The following AGO3 variants were observed in gnomAD, a reference collection of about 807,000 sequenced individuals.
AGO3 encodes the protein argonaute RISC catalytic component 3.
In AGO3, 16 loss-of-function variants were observed where a neutral mutation model predicts 105.5. That is an observed-to-expected ratio of 0.15 (90% CI 0.10 to 0.23). The LOEUF (loss-of-function observed/expected upper bound fraction) is 0.23. Ranked by LOEUF, AGO3 falls within the 10% of genes least tolerant of loss-of-function variation. The pLI is 1.00. For synonymous variants in AGO3, 340 were observed against 367.3 expected (o/e 0.93, Z 0.85); for missense variants, 534 against 1,088.0 (o/e 0.49, Z 7.16).
At chr1:35,976,662 C>T (rs905096054) in intron 5 of AGO3, among the ~76,000 whole-genome samples, 2 of 152,108 alleles carry the variant, frequency 1.3e-5, no homozygotes, top group African/African-American at 4.8e-5. Context: ...TAAATTTTGT[C>T]AGATGCCTTT....
Position 36,055,237 on chromosome 1 carries a change from T to C in AGO3, c.2474+92T>C. ...TTCCACAAGCTATTAGCGGAGTCAG[T>C]GATCCATGTGAAAAATGATGACAGA... On this transcript the variant is annotated intron_variant, in intron 18 of 18. Coordinates refer to ENST00000373191, the MANE Select transcript of AGO3 (RefSeq NM_024852.4). This position sits in a 1 kb window ranked among gnomAD's most constrained non-coding sequence, Gnocchi z 4.4. 2 of 1,349,632 alleles carry C rather than the reference T, an allele frequency of 1.5e-6. No individual in the cohort carries two copies. Among genetic ancestry groups the C allele is most frequent in the South Asian group, 1.3e-5 (1 of 75,738 alleles). The allele number at this position is 1,349,632 out of a possible 1,614,324, so 83.6% of individuals were successfully genotyped here.
chr1:36,010,923 G>A (rs1451262338), intron 9 of AGO3, among the ~76,000 whole-genome samples: 9 of 141,174 alleles, frequency 6.4e-5, no homozygotes, highest in African/African-American at 2.0e-4. Context: ...AAAAAAGAGA[G>A]AGAGAGAGGG....
intron 3 of AGO3, among the ~76,000 whole-genome samples, chr1:35,968,994 A>G (rs544914093): frequency 6.6e-6 from 1 of 152,180 alleles, no homozygotes; most frequent in South Asian, 2.1e-4. Context: ...TCCCCCAACA[A>G]TTAGTGATGT....
intron 2 of AGO3, among the ~76,000 whole-genome samples, chr1:35,964,583 A>G (rs1360071406): frequency 3.3e-5 from 5 of 152,196 alleles, no homozygotes; most frequent in Non-Finnish European, 7.4e-5. Context: ...GCTGCAGTGA[A>G]CATACACATG....
chr1:35,950,550 G>A lies in AGO3; in HGVS notation c.191+4687G>A, dbSNP rs192574538. Among the ~76,000 whole-genome samples the A allele has an allele frequency of 8.5e-5, 13 of 152,128 alleles. No individual in the cohort carries two copies. The East Asian group carries it at 2.1e-3, about 25-fold the overall frequency. On this transcript the variant is annotated intron_variant, in intron 2 of 18. Coordinates refer to ENST00000373191, the MANE Select transcript of AGO3 (RefSeq NM_024852.4). ...CTTTCCTCACCCCGTTTTGTGTTGGGGGGCCAAGTTGGGGAAGGAGATTCT... is the reference window on the plus strand; with the variant it reads ...CTTTCCTCACCCCGTTTTGTGTTGGAGGGCCAAGTTGGGGAAGGAGATTCT...
At position 36,055,803 on chromosome 1, in the gene AGO3, A is replaced by G; in HGVS notation, c.*58A>G. 2 of 1,570,500 alleles carry G rather than the reference A, an allele frequency of 1.3e-6. No homozygotes were observed. Among genetic ancestry groups the G allele is most frequent in the Non-Finnish European group, 1.7e-6 (2 of 1,143,366 alleles). On this transcript the variant is annotated 3_prime_UTR_variant, in exon 19 of 19. Transcript: ENST00000373191. The surrounding 1 kb of genome is among the most constrained non-coding windows in gnomAD (Gnocchi z 4.4). ...TGAAAGATGAATTGACATACAACGT[A>G]TGTTTCCAGTGAAGTCAATTGAGTA...
chr1:36,040,524 C>A, intron 16 of AGO3, 83 bp downstream of exon 16: 1 of 1,462,448 alleles, frequency 6.8e-7, no homozygotes. Flanking sequence ...GGCCCTCTGC[C>A]AACAGCAGGA....
rs1440682647 is a variant in AGO3, at chr1:36,059,264, A to G, written c.*3519A>G. 1.3e-5 allele frequency: 2 copies of G among 152,130 alleles called. No homozygotes were observed. The highest frequency in any genetic ancestry group is 2.9e-5 in the Non-Finnish European group (2 of 67,998). 9.4% of individuals were successfully genotyped at this position (152,130 alleles called of 1,614,324 possible). On this transcript the variant is annotated 3_prime_UTR_variant, in exon 19 of 19. Transcript: ENST00000373191. ...TATTTTGCTAACAAATTGGTATATTAATTACCATTGGTTCTTAATTACAAG... is the reference window on the plus strand; with the variant it reads ...TATTTTGCTAACAAATTGGTATATTGATTACCATTGGTTCTTAATTACAAG...
intron 5 of AGO3, among the ~76,000 whole-genome samples, chr1:35,985,169 G>C (rs984325242): frequency 1.3e-5 from 2 of 152,232 alleles, no homozygotes; most frequent in Admixed American, 1.3e-4. Context: ...TGTAGTCCCA[G>C]CTACTCAAGA....
At chr1:36,013,408 A>G (rs1279549003) in intron 9 of AGO3, 1 of 498,358 alleles carries the variant, frequency 2.0e-6, no homozygotes, top group Non-Finnish European at 3.5e-6. Flanking sequence ...CATACATACA[A>G]ATTTTGTATA....
intron 11 of AGO3, among the ~76,000 whole-genome samples, chr1:36,022,232 CTTTTTTTCTTTTT>C (rs1287189998): frequency 6.6e-6 from 1 of 151,834 alleles, no homozygotes; most frequent in Admixed American, 6.6e-5. Flanking sequence ...GCTCTGCTAA[CTTTTTTTCTTTTT>C]TTGTAGAGAC....
At chr1:36,040,209 G>A in intron 15 of AGO3, 98 bp from the exon 16 acceptor site, 5 of 1,375,490 alleles carry the variant, frequency 3.6e-6, no homozygotes, top group Non-Finnish European at 4.9e-6. Context: ...ATAGAGTGGT[G>A]AAATTAAGGA....
intron 5 of AGO3, among the ~76,000 whole-genome samples, chr1:35,998,374 A>C (rs1480871619): frequency 6.6e-6 from 1 of 152,184 alleles, no homozygotes; most frequent in Non-Finnish European, 1.5e-5. Context: ...GAGCATTCTT[A>C]TTCATGTCTC....
At chr1:35,959,606 G>T (rs1646637460) in intron 2 of AGO3, among the ~76,000 whole-genome samples, 1 of 152,044 alleles carries the variant, frequency 6.6e-6, no homozygotes, top group East Asian at 1.9e-4. Flanking sequence ...GGTAAGCTAA[G>T]AACTTGTTTA....
chr1:35,940,778 C>G (rs1380861012), intron 1 of AGO3, among the ~76,000 whole-genome samples: 1 of 152,158 alleles, frequency 6.6e-6, no homozygotes, highest in Admixed American at 6.5e-5. Context: ...CACTGTTTTT[C>G]TCCATTTGGT....
chr1:36,016,127 C>T (rs965609228), intron 11 of AGO3, among the ~76,000 whole-genome samples: 2 of 152,200 alleles, frequency 1.3e-5, no homozygotes, highest in African/African-American at 2.4e-5. Context: ...GGCTAAAACT[C>T]AGTGTTTGGT....
intron 9 of AGO3, among the ~76,000 whole-genome samples, chr1:36,010,635 C>T (rs1454247902): frequency 4.0e-5 from 6 of 150,154 alleles, no homozygotes; most frequent in East Asian, 2.0e-4. Flanking sequence ...AGGTCGGGTG[C>T]GGTGGCTCAT....
At chr1:36,032,717 C>T (rs1641836514) in intron 12 of AGO3, among the ~76,000 whole-genome samples, 1 of 151,500 alleles carries the variant, frequency 6.6e-6, no homozygotes, top group African/African-American at 2.4e-5. Flanking sequence ...ATGCTGGGTG[C>T]AGTGGCTCAC....
rs1349996726 is a variant in AGO3, at chr1:36,070,786, G to T, written c.*15041G>T. On this transcript the variant is annotated 3_prime_UTR_variant, in exon 19 of 19. Coordinates refer to ENST00000373191, the MANE Select transcript of AGO3 (RefSeq NM_024852.4). ...ATGAACAAAAAATCCACCTTGTGCAGTGAGATAGCTAACGCTGATATATCA... is the reference window on the plus strand; with the variant it reads ...ATGAACAAAAAATCCACCTTGTGCATTGAGATAGCTAACGCTGATATATCA... The T allele has an allele frequency of 6.6e-6, 1 of 152,202 alleles. No homozygotes were observed. Among genetic ancestry groups the T allele is most frequent in the Non-Finnish European group, 1.5e-5 (1 of 68,026 alleles). The allele number at this position is 152,202 out of a possible 1,614,324, so 9.4% of individuals were successfully genotyped here.
Sources: gnomAD v4.1 joint callset for allele counts (sites outside exome capture counted in the v4.1 genomes callset) on GRCh38, gnomAD v4.1.1 for gene constraint, Gnocchi (gnomAD v3.1) non-coding constraint, MANE v1.5 for transcripts, NCBI Gene and HGNC (gene_info 2026-07-23, HGNC 2026-07-21) for gene names.